Variants in AOAH observed in about 807,000 individuals in gnomAD.
The protein encoded by AOAH is acyloxyacyl hydrolase.
A neutral mutation model predicts 92.2 loss-of-function variants in AOAH; 64 were observed. The ratio of observed to expected loss-of-function variants is 0.69; its 90% confidence interval spans 0.57 to 0.86. The LOEUF (loss-of-function observed/expected upper bound fraction) is 0.86. Ranked by LOEUF, AOAH falls within the 40% of genes least tolerant of loss-of-function variation. The probability of loss-of-function intolerance (pLI) is 0.00; values close to 1 mark genes in which losing one functional copy is unlikely to be tolerated. For missense variants in AOAH, 656 were observed against 694.6 expected (o/e 0.94, Z 0.62); for synonymous variants, 263 against 254.5 (o/e 1.03, Z -0.32).
At chr7:36,644,794 T>A (rs1407681192) in intron 4 of AOAH, among the ~76,000 whole-genome samples, 1 of 152,016 alleles carries the variant, frequency 6.6e-6, no homozygotes, top group Non-Finnish European at 1.5e-5. Flanking sequence ...AAAATGTGCC[T>A]TTGTTCACTT....
chr7:36,620,932 AG>A, intron 8 of AOAH, 103 bp from the exon 9 acceptor site: 1 of 1,076,954 alleles, frequency 9.3e-7, no homozygotes, highest in South Asian at 1.4e-5. Context: ...TGCTACACGA[AG>A]TGCCATGGAG....
At chr7:36,551,327 C>T (rs912350875) in intron 13 of AOAH, among the ~76,000 whole-genome samples, 1 of 152,054 alleles carries the variant, frequency 6.6e-6, no homozygotes, top group African/African-American at 2.4e-5. Flanking sequence ...CTGCCTTGGC[C>T]TCCCAAAGTG....
intron 2 of AOAH, among the ~76,000 whole-genome samples, chr7:36,678,681 A>T (rs1279816845): frequency 6.6e-6 from 1 of 151,770 alleles, no homozygotes; most frequent in African/African-American, 2.4e-5. Context: ...GAGCAGAACC[A>T]TTTGAATAGT....
chr7:36,698,319 C>G (rs897386102), intron 1 of AOAH, among the ~76,000 whole-genome samples: 1 of 151,980 alleles, frequency 6.6e-6, no homozygotes, highest in Admixed American at 6.6e-5. Context: ...AGCTTTATGT[C>G]TTCTTTTTAA....
At chr7:36,588,668 T>C (rs545547324) in intron 12 of AOAH, among the ~76,000 whole-genome samples, 1 of 152,334 alleles carries the variant, frequency 6.6e-6, no homozygotes, top group Non-Finnish European at 1.5e-5. Flanking sequence ...CCCAAGTGAC[T>C]TGGTTCAGTG....
intron 2 of AOAH, 148 bp downstream of exon 2, chr7:36,686,551 T>G: frequency 2.3e-6 from 1 of 441,100 alleles, no homozygotes; most frequent in East Asian, 3.6e-5. Context: ...GGTTTTAATT[T>G]CTATAAGCCC....
In AOAH at chr7:36,512,995, C is replaced by G; in HGVS notation, c.*257G>C. ...TAGCTGTAAAGGGCACAGATACTCT[C>G]TTGTTTGGAATGGCACCCAAAGCAC... On this transcript the variant is annotated 3_prime_UTR_variant, in exon 21 of 21. Transcript: ENST00000617537. 6.8e-7 allele frequency: 1 copy of G among 1,476,226 alleles called. No individual in the cohort carries two copies. 91.4% of individuals were successfully genotyped at this position (1,476,226 alleles called of 1,614,324 possible).
chr7:36,634,791 G>A (rs562391604), intron 5 of AOAH, among the ~76,000 whole-genome samples: 7 of 152,230 alleles, frequency 4.6e-5, no homozygotes, highest in Admixed American at 4.6e-4. Flanking sequence ...TTTAACACTG[G>A]TAATAGCAAA....
In AOAH at chr7:36,638,012, A is replaced by G. The variant is rs948253110; in HGVS notation, c.391-102T>C. On this transcript the variant is annotated intron_variant, in intron 4 of 20. Transcript: ENST00000617537. ...TTTAAAGTCCATAAGTTTTCAATAA[A>G]TGAACCACTCCATAAATTTGTAATA... 1.5e-5 allele frequency: 13 copies of G among 858,030 alleles called. 1 individual carries two copies. In the Admixed American group the frequency reaches 3.3e-4, roughly 22 times the overall value. 53.2% of individuals were successfully genotyped at this position (858,030 alleles called of 1,614,324 possible).
At position 36,562,278 on chromosome 7, in the gene AOAH, AGCTGCTTGCTGTT is replaced by A. The variant is rs1030525671; in HGVS notation, c.1022-12816_1022-12804del. 4.7e-4 allele frequency among the ~76,000 whole-genome samples: 72 copies of A among 152,262 alleles called. No individual in the cohort carries two copies. In the Middle Eastern group the frequency reaches 0.01, roughly 22 times the overall value. On this transcript the variant is annotated intron_variant, in intron 13 of 20. Transcript: ENST00000617537. ...TTCCCCTGTACATAGACTTCTCCCC[AGCTGCTTGCTGTT>A]GCTGCTGCTGTTATCATTAGAGAAA...
At chr7:36,659,745 T>C (rs1175591721) in intron 3 of AOAH, among the ~76,000 whole-genome samples, 2 of 143,920 alleles carry the variant, frequency 1.4e-5, no homozygotes, top group African/African-American at 5.3e-5. Context: ...AACATATTTC[T>C]TTTTTCTTTC....
intron 6 of AOAH, among the ~76,000 whole-genome samples, chr7:36,629,696 A>C (rs1792935094): frequency 6.6e-6 from 1 of 152,184 alleles, no homozygotes; most frequent in South Asian, 2.1e-4. Flanking sequence ...GGATCTCTCT[A>C]AGAGGCTCCA....
At chr7:36,687,792 T>A (rs28671641) in intron 1 of AOAH, among the ~76,000 whole-genome samples, 1 of 152,120 alleles carries the variant, frequency 6.6e-6, no homozygotes, top group Non-Finnish European at 1.5e-5. Flanking sequence ...TTTACATACG[T>A]GGTGTCATTT....
At chr7:36,722,371 A>AT (rs1235459529) in intron 1 of AOAH, among the ~76,000 whole-genome samples, 1 of 152,208 alleles carries the variant, frequency 6.6e-6, no homozygotes, top group Non-Finnish European at 1.5e-5. Flanking sequence ...AGGTCCAAGG[A>AT]TCTCAGCCCT....
intron 5 of AOAH, among the ~76,000 whole-genome samples, chr7:36,633,310 G>T (rs902743770): frequency 6.6e-6 from 1 of 152,160 alleles, no homozygotes; most frequent in Non-Finnish European, 1.5e-5. Context: ...AGTCATTCTG[G>T]TGCCCACTAA....
chr7:36,635,486 G>A (rs950257193), intron 5 of AOAH, among the ~76,000 whole-genome samples: 3 of 150,994 alleles, frequency 2.0e-5, no homozygotes, highest in Non-Finnish European at 4.5e-5. Flanking sequence ...AACCCTTGTC[G>A]TGTATTATAT....
intron 4 of AOAH, among the ~76,000 whole-genome samples, chr7:36,645,525 A>G (rs1455221084): frequency 6.6e-6 from 1 of 152,234 alleles, no homozygotes; most frequent in East Asian, 1.9e-4. Context: ...GTAGGAAGAC[A>G]AAGGCAAGAA....
At chr7:36,720,835 C>T (rs963959860) in intron 1 of AOAH, among the ~76,000 whole-genome samples, 2 of 151,554 alleles carry the variant, frequency 1.3e-5, no homozygotes, top group Admixed American at 1.3e-4. Context: ...GAACTGAGTG[C>T]GCGGAAATGT....
intron 13 of AOAH, among the ~76,000 whole-genome samples, chr7:36,551,408 C>A (rs1583795960): frequency 6.6e-6 from 1 of 152,144 alleles, no homozygotes; most frequent in East Asian, 1.9e-4. Context: ...GTGTACAATT[C>A]AGTGGCATTC....
Sources: gnomAD v4.1 joint callset for allele counts (sites outside exome capture counted in the v4.1 genomes callset) on GRCh38, gnomAD v4.1.1 for gene constraint, MANE v1.5 for transcripts, NCBI Gene and HGNC (gene_info 2026-07-23, HGNC 2026-07-21) for gene names.